The following ZNF25 variants were observed in gnomAD, a reference collection of about 807,000 sequenced individuals.
ZNF25 encodes the protein zinc finger protein 25.
In ZNF25, 21 loss-of-function variants were observed where a neutral mutation model predicts 30.9. The ratio of observed to expected loss-of-function variants is 0.68; its 90% CI spans 0.48 to 0.98. The LOEUF (loss-of-function observed/expected upper bound fraction) is 0.98, where lower values mean the gene tolerates loss of function less well. Ranked by LOEUF, ZNF25 falls within the 50% of genes least tolerant of loss-of-function variation. The probability of loss-of-function intolerance (pLI) is 0.00; values close to 1 mark genes in which losing one functional copy is unlikely to be tolerated. For missense variants in ZNF25, 501 were observed against 529.9 expected (o/e 0.95, Z 0.54); for synonymous variants, 169 against 181.3 (o/e 0.93, Z 0.55).
chr10:37,967,272 G>A (rs2063235764), intron 2 of ZNF25, among the ~76,000 whole-genome samples: 1 of 152,208 alleles, frequency 6.6e-6, no homozygotes, highest in African/African-American at 2.4e-5. Context: ...AATAAAGTCA[G>A]AGGACTCACA....
chr10:37,973,514 G>A (rs549742140), intron 1 of ZNF25, among the ~76,000 whole-genome samples: 35 of 151,188 alleles, frequency 2.3e-4, no homozygotes, highest in South Asian at 1.5e-3. Context: ...AGCTACTCGG[G>A]AGGTTGAGGC....
intron 4 of ZNF25, 27 bp from the exon 5 acceptor site, chr10:37,953,785 T>C: frequency 6.3e-7 from 1 of 1,582,102 alleles, no homozygotes; most frequent in East Asian, 2.2e-5. Flanking sequence ...AATGTAATAC[T>C]TTATAAATAC....
chr10:37,963,190 C>T (rs1214836397), intron 2 of ZNF25, among the ~76,000 whole-genome samples: 1 of 151,754 alleles, frequency 6.6e-6, no homozygotes, highest in Non-Finnish European at 1.5e-5. Flanking sequence ...AATCTCAGCT[C>T]ACTGCAACTA....
At chr10:37,966,493 C>G (rs1050013377) in intron 2 of ZNF25, among the ~76,000 whole-genome samples, 5 of 151,930 alleles carry the variant, frequency 3.3e-5, no homozygotes, top group African/African-American at 1.2e-4. Flanking sequence ...GTTCCACAGG[C>G]TGCGCAGGAA....
chr10:37,961,775 G>C (rs2062889217), intron 2 of ZNF25, among the ~76,000 whole-genome samples: 1 of 151,766 alleles, frequency 6.6e-6, no homozygotes. Context: ...TACAAAATTA[G>C]CCAGGCGTGG....
chr10:37,974,865 T>C (rs779457969), intron 1 of ZNF25, among the ~76,000 whole-genome samples: 1 of 152,164 alleles, frequency 6.6e-6, no homozygotes, highest in African/African-American at 2.4e-5. Context: ...TCCACCTAAG[T>C]ACCCATCAAT....
chr10:37,973,554 G>A (rs1309631520), intron 1 of ZNF25, among the ~76,000 whole-genome samples: 1 of 150,080 alleles, frequency 6.7e-6, no homozygotes, highest in East Asian at 2.0e-4. Context: ...GGGAGACAGA[G>A]GTTGCAGTGA....
chr10:37,959,159 T>A (rs2062707998), intron 2 of ZNF25, among the ~76,000 whole-genome samples: 1 of 152,208 alleles, frequency 6.6e-6, no homozygotes, highest in Non-Finnish European at 1.5e-5. Flanking sequence ...TCTGGGATGC[T>A]CACCATTCAC....
chr10:37,968,378 CAG>C (rs2063304868), intron 2 of ZNF25, among the ~76,000 whole-genome samples: 1 of 146,786 alleles, frequency 6.8e-6, no homozygotes, highest in South Asian at 2.1e-4. Context: ...TTTTTTAAGA[CAG>C]AGTCTTGCTC....
chr10:37,957,519 C>T lies in ZNF25; in HGVS notation c.43G>A (p.Val15Met), dbSNP rs766233640. The change falls in exon 3 of 6, where the codon GTG becomes ATG. Residue 15 changes from valine to methionine, a missense_variant. Coordinates refer to ENST00000302609, the MANE Select transcript of ZNF25 (RefSeq NM_145011.4). ...TTCCATTCTTCCTTGGTGAATTCCA[C>T]AATAACATCCTTTAATGTCACGGGT... ...QGPVTLKDVI[V>M]EFTKEEWKLL... is the part of the protein sequence containing the mutation. 2 of 1,613,724 alleles carry T rather than the reference C, an allele frequency of 1.2e-6. No individual in the cohort carries two copies. Among genetic ancestry groups the T allele is most frequent in the Admixed American group, 3.3e-5 (2 of 59,978 alleles).
rs1011008160 is a variant in ZNF25 at position 37,950,415 on chromosome 10, G to C, written c.*1712C>G. On this transcript the variant is annotated 3_prime_UTR_variant, in exon 6 of 6. Transcript: ENST00000302609. ...GGATACAAAAATGGGTAGTGGGCCA[G>C]ATCTGTCTGATGGACTGTCATTTGT... is the stretch of plus-strand genomic sequence containing the variant. The C allele has an allele frequency of 6.6e-6, 1 of 152,564 alleles. No individual in the cohort carries two copies. Among genetic ancestry groups the C allele is most frequent in the Non-Finnish European group, 1.5e-5 (1 of 68,028 alleles). 9.5% of individuals were successfully genotyped at this position (152,564 alleles called of 1,614,324 possible).
In ZNF25 at chr10:37,976,538, G is replaced by A; in HGVS notation, c.-118C>T. On this transcript the variant is annotated 5_prime_UTR_variant, in exon 1 of 6. Transcript: ENST00000302609. ...GTCTCGGCCTCTGCTCCCGGCCCGC[G>A]CCGGGCCCAGGCCCCGCCCTTTGCG... 6.6e-6 allele frequency: 1 copy of A among 152,514 alleles called. No individual in the cohort carries two copies. The highest frequency in any genetic ancestry group is 1.5e-5 in the Non-Finnish European group (1 of 68,222). 9.4% of individuals were successfully genotyped at this position (152,514 alleles called of 1,614,324 possible). A position where few individuals can be genotyped will look rare whatever the true frequency, so the allele number is the denominator to read the frequency against.
chr10:37,957,338 C>A (rs2062595897), intron 3 of ZNF25, 82 bp downstream of exon 3: 3 of 1,511,334 alleles, frequency 2.0e-6, no homozygotes, highest in East Asian at 4.5e-5. Flanking sequence ...ATCATTCAAC[C>A]CTATAGGGAC....
chr10:37,971,747 G>A lies in ZNF25; in HGVS notation c.-25C>T, dbSNP rs775386113. The A allele has an allele frequency of 5.6e-6, 9 of 1,613,828 alleles. No individual in the cohort carries two copies. Among genetic ancestry groups the A allele is most frequent in the Non-Finnish European group, 7.6e-6 (9 of 1,180,022 alleles). The stretch of plus-strand genomic sequence containing the variant: ...TTTTCTGCTGCTCTTGGGAAAGGCT[G>A]AAAACTGCAAAGCCAGAGCAGAAAT... On this transcript the variant is annotated 5_prime_UTR_variant, in exon 2 of 6. Transcript: ENST00000302609.
chr10:37,952,533 C>G lies in ZNF25; in HGVS notation c.965G>C (p.Cys322Ser). ...TGTGAGGGCTGACTTCTGGTAGAAGCATTTCCTACATTCCTTACATTCATA... is the reference window on the plus strand; with the variant it reads ...TGTGAGGGCTGACTTCTGGTAGAAGGATTTCCTACATTCCTTACATTCATA... The part of the protein sequence containing the change: ...KPYECKECRK[C>S]FYQKSALTVH... Residue 322 changes from cysteine (C) to serine (S), a missense_variant, in exon 6 of 6, where the codon TGC becomes TCC. Coordinates refer to ENST00000302609, the MANE Select transcript of ZNF25 (RefSeq NM_145011.4). 4 of 1,610,504 alleles carry G rather than the reference C, an allele frequency of 2.5e-6. No homozygotes were observed. Among genetic ancestry groups the G allele is most frequent in the Non-Finnish European group, 3.4e-6 (4 of 1,179,002 alleles).
At chr10:37,965,515 C>A (rs1200830749) in intron 2 of ZNF25, among the ~76,000 whole-genome samples, 1 of 152,138 alleles carries the variant, frequency 6.6e-6, no homozygotes, top group Non-Finnish European at 1.5e-5. Flanking sequence ...GAAAAGAATT[C>A]TATTTCAAGA....
intron 2 of ZNF25, among the ~76,000 whole-genome samples, chr10:37,962,757 T>C (rs1169814203): frequency 6.6e-6 from 1 of 152,064 alleles, no homozygotes; most frequent in Non-Finnish European, 1.5e-5. Flanking sequence ...AGTAAAAGGA[T>C]AATAAAAGAA....
At position 37,949,924 on chromosome 10, in the gene ZNF25, GT is replaced by G. The variant is rs764700542; in HGVS notation, c.*2202del. 3 of 152,496 alleles carry G rather than the reference GT, an allele frequency of 2.0e-5. No individual in the cohort carries two copies. The highest frequency in any genetic ancestry group is 4.8e-5 in the African/African-American group (2 of 41,386). The allele number at this position is 152,496 out of a possible 1,614,324, so 9.4% of individuals were successfully genotyped here. On this transcript the variant is annotated 3_prime_UTR_variant, in exon 6 of 6. Transcript: ENST00000302609. ...GCTACATTCCATCAAGAAATTTCTT[GT>G]TTTGATGTTATGACAATTTAGCAAG...
In ZNF25 at chr10:37,953,366, T is replaced by C. The variant is rs115166147; in HGVS notation, c.303-171A>G. The stretch of plus-strand genomic sequence containing the variant: ...ACTGTGAGCATTCTCTGACCTGCAC[T>C]GTAGTTTAACATTTGGTAAGGTGAA... On this transcript the variant is annotated intron_variant, in intron 5 of 5. Transcript: ENST00000302609. 2.0e-4 allele frequency: 133 copies of C among 657,104 alleles called. No homozygotes were observed. In the African/African-American group the frequency reaches 2.2e-3, roughly 11 times the overall value. 40.7% of individuals were successfully genotyped at this position (657,104 alleles called of 1,614,324 possible).
Sources: gnomAD v4.1 joint callset for allele counts (sites outside exome capture counted in the v4.1 genomes callset) on GRCh38, gnomAD v4.1.1 for gene constraint, MANE v1.5 for transcripts, NCBI Gene and HGNC (gene_info 2026-07-23, HGNC 2026-07-21) for gene names.